FCRL3: variants seen among roughly 807,000 people sequenced by gnomAD.
FCRL3 encodes Fc receptor like 3.
Under a neutral mutation model 75.0 loss-of-function variants are expected in FCRL3, and 89 were observed. The ratio of observed to expected loss-of-function variants is 1.19; its 90% CI spans 1.00 to 1.42. FCRL3 has a LOEUF of 1.42. Ranked by LOEUF, FCRL3 falls within the 40% of genes most tolerant of loss-of-function variation. FCRL3 has a pLI of 0.00. For missense variants in FCRL3, 946 were observed against 880.0 expected, an observed-to-expected ratio of 1.07 and a Z score of -0.95; for synonymous variants, 376 against 348.5, an observed-to-expected ratio of 1.08 and a Z score of -0.88.
chr1:157,680,299 C>T (rs1272909138), intron 13 of FCRL3, among the ~76,000 whole-genome samples: 5 of 152,068 alleles, frequency 3.3e-5, no homozygotes, highest in African/African-American at 9.7e-5. Flanking sequence ...CAATAGAGCA[C>T]CTCAAAGGGA....
chr1:157,678,658 C>T lies in FCRL3; in HGVS notation c.*52G>A. On this transcript the variant is annotated 3_prime_UTR_variant, in exon 15 of 15. Transcript: ENST00000368184. ...ATGGATGATGTGTGGTTGGAGAGAACAGAAAAAAAAATGGTGCAGGCTGTT... is the reference window on the plus strand; with the variant it reads ...ATGGATGATGTGTGGTTGGAGAGAATAGAAAAAAAAATGGTGCAGGCTGTT... The T allele has an allele frequency of 3.7e-6, 6 of 1,604,510 alleles. No homozygotes were observed. The highest frequency in any genetic ancestry group is 5.1e-6 in the Non-Finnish European group (6 of 1,178,016).
intron 7 of FCRL3, 94 bp downstream of exon 7, chr1:157,695,946 C>G: frequency 4.6e-6 from 1 of 217,818 alleles, no homozygotes. Flanking sequence ...CCCTCCCTCC[C>G]TCCCCGTGCC....
intron 10 of FCRL3, 31 bp downstream of exon 10, chr1:157,689,767 T>C: frequency 6.2e-7 from 1 of 1,612,600 alleles, no homozygotes; most frequent in East Asian, 2.2e-5. Context: ...AACGGCAAAA[T>C]CACATCACAA....
At position 157,697,404 on chromosome 1, in the gene FCRL3, G is replaced by A. The variant is rs1412481082; in HGVS notation, c.580C>T (p.Leu194=). Residue 194 remains leucine (L), a synonymous_variant, in exon 6 of 15, where the codon CTG becomes TTG. Transcript: ENST00000368184. The part of the protein sequence containing the change: ...QVQELFLHPV[L]RASSSTPIEG... Reference sequence around the variant, plus strand: ...ATGGGCGTGGAAGAGCTGGCTCTCAGCACAGGATGTAGAAACAGCTCTAAT... The same window carrying A: ...ATGGGCGTGGAAGAGCTGGCTCTCAACACAGGATGTAGAAACAGCTCTAAT... 8.4e-6 allele frequency: 13 copies of A among 1,551,286 alleles called. No homozygotes were observed. The highest frequency in any genetic ancestry group is 1.1e-5 in the Non-Finnish European group (13 of 1,153,408).
chr1:157,682,094 G>GT (rs1172122913), intron 11 of FCRL3, among the ~76,000 whole-genome samples: 3 of 151,948 alleles, frequency 2.0e-5, no homozygotes, highest in African/African-American at 7.3e-5. Flanking sequence ...GGGGTTGTTT[G>GT]TTTTTTTCTT....
At chr1:157,686,660 C>T (rs1357052136) in intron 10 of FCRL3, among the ~76,000 whole-genome samples, 1 of 151,858 alleles carries the variant, frequency 6.6e-6, no homozygotes, top group Non-Finnish European at 1.5e-5. Context: ...CTGATCTTTG[C>T]CAAGGCTAAC....
intron 4 of FCRL3, 121 bp from the exon 5 acceptor site, chr1:157,698,040 T>C: frequency 8.6e-7 from 1 of 1,162,808 alleles, no homozygotes; most frequent in Non-Finnish European, 1.2e-6. Context: ...CCCACCCACA[T>C]TGCCATGTGG....
At chr1:157,689,656 G>C in intron 10 of FCRL3, 142 bp downstream of exon 10, 1 of 1,057,344 alleles carries the variant, frequency 9.5e-7, no homozygotes, top group Non-Finnish European at 1.3e-6. Flanking sequence ...TGCTACAATT[G>C]CCTACAGAGT....
intron 13 of FCRL3, 143 bp from the exon 14 acceptor site, chr1:157,679,116 A>T (rs1027469364): frequency 2.2e-6 from 2 of 912,866 alleles, no homozygotes; most frequent in Admixed American, 4.2e-5. Context: ...TTCCAAACCC[A>T]CATAGAAAAA....
intron 11 of FCRL3, among the ~76,000 whole-genome samples, chr1:157,681,880 T>C (rs1333508888): frequency 6.6e-6 from 1 of 152,110 alleles, no homozygotes; most frequent in Admixed American, 6.5e-5. Flanking sequence ...GTGTTCCTAT[T>C]TCTCCACATC....
intron 6 of FCRL3, 126 bp downstream of exon 6, chr1:157,697,014 G>C: frequency 1.0e-6 from 1 of 964,394 alleles, no homozygotes; most frequent in Non-Finnish European, 1.4e-6. Context: ...AGCTTAAAGA[G>C]AGAAGATTAC....
rs879258382 is a variant in FCRL3, at chr1:157,679,828, C to CAAAAAAAAAAAAAAAAAAAAAAAAAA, written c.2027-856_2027-855insTTTTTTTTTTTTTTTTTTTTTTTTTT. On this transcript the variant is annotated intron_variant, in intron 13 of 14. Coordinates refer to ENST00000368184, the MANE Select transcript of FCRL3 (RefSeq NM_052939.4). Reference sequence around the variant, plus strand: ...TGGGCGACAGAACGAGACCCCATCTCACAAAAAAAAAAAAAAAAAAAAAAA... The same window carrying CAAAAAAAAAAAAAAAAAAAAAAAAAA: ...TGGGCGACAGAACGAGACCCCATCTCAAAAAAAAAAAAAAAAAAAAAAAAAAACAAAAAAAAAAAAAAAAAAAAAAA... 2.2e-4 allele frequency among the ~76,000 whole-genome samples: 6 copies of CAAAAAAAAAAAAAAAAAAAAAAAAAA among 27,906 alleles called. 1 individual carries two copies. The highest frequency in any genetic ancestry group is 4.5e-4 in the Non-Finnish European group (5 of 11,050). The allele number at this position is 27,906 out of a possible 152,430, so 18.3% of individuals were successfully genotyped here. A position where few individuals can be genotyped will look rare whatever the true frequency, so the allele number is the denominator to read the frequency against.
At position 157,680,752 on chromosome 1, in the gene FCRL3, T is replaced by C; in HGVS notation, c.1976A>G (p.Asn659Ser). The change falls in exon 13 of 15, where the codon AAC becomes AGC. Residue 659 changes from asparagine to serine, a missense_variant. By Grantham distance (46) the Asn-to-Ser change is conservative (BLOSUM62 1). Transcript: ENST00000368184. ...MYSNVNPGDS[N>S]PIYSQIWSIQ... Reference sequence around the variant, plus strand: ...GCTCCAGATCTGGGAATAAATCGGGTTGCTATCTCCAGGATTTACTGTGAG... The same window carrying C: ...GCTCCAGATCTGGGAATAAATCGGGCTGCTATCTCCAGGATTTACTGTGAG... 6.2e-7 allele frequency: 1 copy of C among 1,614,094 alleles called. No individual in the cohort carries two copies. The highest frequency in any genetic ancestry group is 2.2e-5 in the East Asian group (1 of 44,878).
In FCRL3 at chr1:157,678,590, C is replaced by G; in HGVS notation, c.*120G>C. The G allele has an allele frequency of 6.5e-7, 1 of 1,535,778 alleles. No homozygotes were observed. The highest frequency in any genetic ancestry group is 8.7e-7 in the Non-Finnish European group (1 of 1,151,014). On this transcript the variant is annotated 3_prime_UTR_variant, in exon 15 of 15. Coordinates refer to ENST00000368184, the MANE Select transcript of FCRL3 (RefSeq NM_052939.4). ...TTTGCAGACCTTTTGCTCAGCCTCA[C>G]ATACCCTGCAGCCCAGCCTCGTAGG...
chr1:157,683,313 T>A, intron 10 of FCRL3, 69 bp from the exon 11 acceptor site: 1 of 1,559,744 alleles, frequency 6.4e-7, no homozygotes, highest in Non-Finnish European at 8.7e-7. Context: ...TGTTAGAACA[T>A]TTTTTCCTAG....
intron 11 of FCRL3, among the ~76,000 whole-genome samples, chr1:157,681,512 G>A (rs962150000): frequency 1.4e-4 from 21 of 150,362 alleles, no homozygotes; most frequent in African/African-American, 5.1e-4. Context: ...TTGTTCTTGC[G>A]ATAGTTTGCT....
intron 11 of FCRL3, 110 bp downstream of exon 11, chr1:157,683,107 G>A (rs12075547): frequency 2.5e-5 from 31 of 1,239,560 alleles, no homozygotes; most frequent in African/African-American, 4.7e-5. Flanking sequence ...TTGTAAGAAC[G>A]TAAAAATGCT....
At chr1:157,685,097 G>C (rs1655093553) in intron 10 of FCRL3, among the ~76,000 whole-genome samples, 1 of 151,982 alleles carries the variant, frequency 6.6e-6, no homozygotes, top group African/African-American at 2.4e-5. Context: ...TGGATCATGT[G>C]AAATGATTGT....
intron 13 of FCRL3, among the ~76,000 whole-genome samples, chr1:157,680,373 TA>T (rs1252823630): frequency 6.6e-6 from 1 of 152,198 alleles, no homozygotes; most frequent in African/African-American, 2.4e-5. Flanking sequence ...AGAGACCAGT[TA>T]AAAGAATGAC....
Sources: gnomAD v4.1 joint callset for allele counts (sites outside exome capture counted in the v4.1 genomes callset) on GRCh38, gnomAD v4.1.1 for gene constraint, MANE v1.5 for transcripts, NCBI Gene and HGNC (gene_info 2026-07-23, HGNC 2026-07-21) for gene names.